The following IL1RAPL1 variants were observed in gnomAD, a reference collection of about 807,000 sequenced individuals.
The protein encoded by IL1RAPL1 is interleukin-1 receptor accessory protein-like 1.
A neutral mutation model predicts 48.4 loss-of-function variants in IL1RAPL1; 3 were observed. The ratio of observed to expected loss-of-function variants is 0.06; its 90% CI spans 0.03 to 0.16. IL1RAPL1 has a LOEUF of 0.16. Ranked by LOEUF, IL1RAPL1 falls within the 10% of genes least tolerant of loss-of-function variation. The pLI is 1.00. For synonymous variants in IL1RAPL1, 185 were observed against 187.7 expected (o/e 0.99, Z 0.12); for missense variants, 349 against 530.6 (o/e 0.66, Z 3.36).
chrX:29,470,967 T>G (rs1934914300), intron 5 of IL1RAPL1, among the ~76,000 whole-genome samples: 1 of 111,938 alleles, frequency 8.9e-6, no homozygotes, highest in Admixed American at 9.5e-5. Context: ...TTGTTTTTGA[T>G]ATATTTACAA....
chrX:29,846,798 A>ATATATATGTATATATATG (rs752651030), intron 6 of IL1RAPL1, among the ~76,000 whole-genome samples: 1,620 of 38,504 alleles, frequency 0.042, 42 homozygotes, highest in African/African-American at 0.15. Flanking sequence ...ATATATATGT[A>ATATATATGTATATATATG]TATACACACA....
At chrX:29,611,804 C>T (rs1235894909) in intron 5 of IL1RAPL1, among the ~76,000 whole-genome samples, 1 of 110,532 alleles carries the variant, frequency 9.0e-6, no homozygotes. Flanking sequence ...GGAGGTGGCT[C>T]TCAGTGGGAT....
At chrX:28,857,763 A>G (rs191122219) in intron 2 of IL1RAPL1, among the ~76,000 whole-genome samples, 116 of 111,898 alleles carry the variant, frequency 1.0e-3, no homozygotes, top group Admixed American at 3.8e-3. Flanking sequence ...AAGGAGAATA[A>G]TGTTTTCATG....
At chrX:29,905,393 C>CT (rs1163991513) in intron 6 of IL1RAPL1, among the ~76,000 whole-genome samples, 4 of 111,530 alleles carry the variant, frequency 3.6e-5, no homozygotes, top group East Asian at 2.8e-4. Context: ...TCAATTTTGG[C>CT]TTTTTTTGCA....
chrX:29,439,908 C>T (rs1244850251), intron 5 of IL1RAPL1, among the ~76,000 whole-genome samples: 1 of 71,367 alleles, frequency 1.4e-5, no homozygotes. Flanking sequence ...GTTGACAGGA[C>T]TTTTTGAGAA....
chrX:28,674,958 T>A (rs2146916406), intron 1 of IL1RAPL1, among the ~76,000 whole-genome samples: 1 of 112,274 alleles, frequency 8.9e-6, no homozygotes, highest in Admixed American at 9.5e-5. Context: ...GAATTTAAAA[T>A]AATAAGTAAA....
At chrX:29,285,524 C>CAAAAAAAAA (rs778913919) in intron 3 of IL1RAPL1, among the ~76,000 whole-genome samples, 1 of 11,583 alleles carries the variant, frequency 8.6e-5, no homozygotes, top group Non-Finnish European at 1.3e-4. Flanking sequence ...AACTCCGTCT[C>CAAAAAAAAA]AAAAAAAAAA....
intron 1 of IL1RAPL1, among the ~76,000 whole-genome samples, chrX:28,667,324 G>A (rs1377282606): frequency 1.8e-5 from 2 of 112,195 alleles, no homozygotes; most frequent in Admixed American, 9.5e-5. Flanking sequence ...TGAATCTTAA[G>A]TATAAATTTC....
chrX:28,658,299 C>T (rs1351748926), intron 1 of IL1RAPL1, among the ~76,000 whole-genome samples: 1 of 111,155 alleles, frequency 9.0e-6, no homozygotes, highest in African/African-American at 3.3e-5. Flanking sequence ...CTCACTGCAA[C>T]CTTCGCCTCC....
At chrX:29,813,616 G>A (rs1282235414) in intron 6 of IL1RAPL1, among the ~76,000 whole-genome samples, 1 of 110,008 alleles carries the variant, frequency 9.1e-6, no homozygotes, top group East Asian at 2.8e-4. Context: ...TAGATTTGGG[G>A]GTACATGTGC....
intron 6 of IL1RAPL1, among the ~76,000 whole-genome samples, chrX:29,688,678 A>T (rs1218544626): frequency 9.0e-6 from 1 of 110,535 alleles, no homozygotes; most frequent in Admixed American, 9.7e-5. Context: ...ATGAGATTAT[A>T]AACAGTGAAG....
chrX:29,346,535 G>A (rs917382031), intron 3 of IL1RAPL1, among the ~76,000 whole-genome samples: 1 of 112,323 alleles, frequency 8.9e-6, no homozygotes, highest in Non-Finnish European at 1.9e-5. Context: ...TGAATTGAAA[G>A]AGTTTACATA....
intron 6 of IL1RAPL1, among the ~76,000 whole-genome samples, chrX:29,895,187 A>AAATT (rs1016519159): frequency 3.5e-4 from 39 of 111,405 alleles, no homozygotes; most frequent in African/African-American, 1.2e-3. Context: ...TGGAGGAAGA[A>AAATT]AATTAGAGGT....
intron 6 of IL1RAPL1, among the ~76,000 whole-genome samples, chrX:29,839,948 A>T (rs1393617908): frequency 9.0e-6 from 1 of 111,488 alleles, no homozygotes; most frequent in Admixed American, 9.5e-5. Flanking sequence ...AACAAATGAA[A>T]ACAAAACAAA....
At chrX:28,960,558 C>T (rs1924740366) in intron 2 of IL1RAPL1, among the ~76,000 whole-genome samples, 1 of 111,615 alleles carries the variant, frequency 9.0e-6, no homozygotes, top group Non-Finnish European at 1.9e-5. Flanking sequence ...CAAGTACATG[C>T]CAAGTAATCT....
chrX:29,109,097 G>A (rs938381921), intron 2 of IL1RAPL1, among the ~76,000 whole-genome samples: 4 of 110,861 alleles, frequency 3.6e-5, no homozygotes, highest in African/African-American at 6.6e-5. Flanking sequence ...GAAAAACGTA[G>A]GAGGAGAGAG....
intron 5 of IL1RAPL1, among the ~76,000 whole-genome samples, chrX:29,470,749 C>T (rs1380697167): frequency 9.0e-6 from 1 of 110,675 alleles, no homozygotes; most frequent in Non-Finnish European, 1.9e-5. Context: ...TCCTCCTGCC[C>T]CAGCCTCCAG....
At chrX:28,959,256 A>G (rs1292197114) in intron 2 of IL1RAPL1, among the ~76,000 whole-genome samples, 2 of 111,880 alleles carry the variant, frequency 1.8e-5, no homozygotes, top group Non-Finnish European at 3.8e-5. Context: ...TGCTCTTTTT[A>G]CATGCAAGGA....
intron 5 of IL1RAPL1, among the ~76,000 whole-genome samples, chrX:29,586,343 A>G (rs983944881): frequency 1.8e-5 from 2 of 111,507 alleles, no homozygotes; most frequent in African/African-American, 3.3e-5. Context: ...CCTGTCAAAG[A>G]TCAATTGGTT....
Sources: gnomAD v4.1 joint callset for allele counts (sites outside exome capture counted in the v4.1 genomes callset) on GRCh38, gnomAD v4.1.1 for gene constraint, MANE v1.5 for transcripts, NCBI Gene and HGNC (gene_info 2026-07-23, HGNC 2026-07-21) for gene names.